CWH43: variants seen among roughly 807,000 people sequenced by gnomAD.
CWH43 encodes the protein PGAP2-interacting protein.
CWH43 carries 91 observed loss-of-function variants against 85.7 expected under a neutral mutation model. The observed-to-expected ratio is 1.06, with a 90% CI of 0.90 to 1.26. The LOEUF (loss-of-function observed/expected upper bound fraction) is 1.26, where lower values mean the gene tolerates loss of function less well. Among genes scored for constraint, CWH43 ranks in the 50% most tolerant of loss-of-function variants. CWH43 has a pLI of 0.00. For synonymous variants in CWH43, 323 were observed against 293.6 expected (o/e 1.10, Z -1.02); for missense variants, 869 against 839.2 (o/e 1.04, Z -0.44).
At position 49,007,266 on chromosome 4, in the gene CWH43, C is replaced by T. The variant is rs1783189406; in HGVS notation, c.1126C>T (p.Leu376Phe). Residue 376 changes from leucine to phenylalanine, a missense_variant, in exon 8 of 16, where the codon CTT becomes TTT. Leu to Phe is a conservative substitution (Grantham distance 22). Around this residue, in one of 3 missense-constraint regions of CWH43, gnomAD observed 577 missense variants for 513.1 expected, o/e 1.12. Coordinates refer to ENST00000226432, the MANE Select transcript of CWH43 (RefSeq NM_025087.3). The part of the protein sequence containing the change: ...FGPKKNLDLL[L>F]QTKNSSKVLF... ...TCCTAAGAAAAACCTTGACTTGCTTCTTCAAACAAAAAACAGTTCTAAAGT... is the reference window on the plus strand; with the variant it reads ...TCCTAAGAAAAACCTTGACTTGCTTTTTCAAACAAAAAACAGTTCTAAAGT... The T allele has an allele frequency of 6.2e-7, 1 of 1,611,368 alleles. No homozygotes were observed. The highest frequency in any genetic ancestry group is 2.2e-5 in the East Asian group (1 of 44,724).
chr4:49,021,369 T>C (rs922592272), intron 9 of CWH43, among the ~76,000 whole-genome samples: 10 of 152,156 alleles, frequency 6.6e-5, no homozygotes, highest in Admixed American at 5.9e-4. Flanking sequence ...CTGTAATCAT[T>C]TGGCTTATTT....
intron 13 of CWH43, among the ~76,000 whole-genome samples, chr4:49,043,666 A>T (rs1191499236): frequency 7.2e-5 from 11 of 152,172 alleles, no homozygotes; most frequent in Admixed American, 3.3e-4. Flanking sequence ...TATTTTTAAA[A>T]TTTTTTTGCA....
chr4:49,013,328 G>A (rs1356081587), intron 8 of CWH43, among the ~76,000 whole-genome samples: 2 of 152,242 alleles, frequency 1.3e-5, no homozygotes, highest in Non-Finnish European at 1.5e-5. Context: ...CTGTTCTGCC[G>A]GTTGCTAAGA....
chr4:49,007,211 G>A lies in CWH43; in HGVS notation c.1071G>A (p.Met357Ile). The A allele has an allele frequency of 6.2e-7, 1 of 1,607,970 alleles. No individual in the cohort carries two copies. Among genetic ancestry groups the A allele is most frequent in the South Asian group, 1.1e-5 (1 of 89,016 alleles). ...TTTCTCTTATAACAGGGACAATGAT[G>A]TTAATTATCGGGCTGAATATGCTAT... ...ERSDVLLGTM[M>I]LIIGLNMLFG... The change falls in exon 8 of 16, where the codon ATG becomes ATA. Residue 357 changes from methionine (M) to isoleucine (I), a missense_variant. By Grantham distance (10) the Met-to-Ile change is conservative. Around this residue, in one of 3 missense-constraint regions of CWH43, gnomAD observed 577 missense variants for 513.1 expected, o/e 1.12. Transcript: ENST00000226432.
intron 9 of CWH43, among the ~76,000 whole-genome samples, chr4:49,022,533 G>A (rs1413670151): frequency 1.3e-5 from 2 of 152,234 alleles, no homozygotes; most frequent in East Asian, 3.9e-4. Context: ...TCCTTTGCTA[G>A]TTTTGGTATT....
At chr4:48,994,392 T>G (rs1377686663) in intron 4 of CWH43, among the ~76,000 whole-genome samples, 1 of 152,214 alleles carries the variant, frequency 6.6e-6, no homozygotes, top group African/African-American at 2.4e-5. Flanking sequence ...CCAAAATGCC[T>G]TTTCTCCCTT....
At chr4:48,996,076 G>T (rs910992353) in intron 5 of CWH43, among the ~76,000 whole-genome samples, 1 of 151,272 alleles carries the variant, frequency 6.6e-6, no homozygotes, top group Non-Finnish European at 1.5e-5. Flanking sequence ...CACCTGAGTC[G>T]AACCCACTTG....
In CWH43 at chr4:49,045,498, T is replaced by C. The variant is rs558535952; in HGVS notation, c.1865+651T>C. Among the ~76,000 whole-genome samples, 4 of 152,318 alleles carry C rather than the reference T, an allele frequency of 2.6e-5. No individual in the cohort carries two copies. In the East Asian group the frequency reaches 7.7e-4, roughly 29 times the overall value. On this transcript the variant is annotated intron_variant, in intron 14 of 15. Coordinates refer to ENST00000226432, the MANE Select transcript of CWH43 (RefSeq NM_025087.3). ...TAAGATTATAATATCATACTTTTAT[T>C]GTACCTTTTCTATGTTTAGATACAC...
At chr4:49,028,600 C>G in intron 9 of CWH43, 29 bp from the exon 10 acceptor site, 1 of 1,544,202 alleles carries the variant, frequency 6.5e-7, no homozygotes, top group East Asian at 2.3e-5. Context: ...TCACAGTCAT[C>G]CTAAACTACC....
At chr4:49,053,422 G>A (rs28761329) in intron 15 of CWH43, among the ~76,000 whole-genome samples, 135 of 152,188 alleles carry the variant, frequency 8.9e-4, no homozygotes, top group African/African-American at 3.1e-3. Context: ...GTGAACAAGG[G>A]TTCCTTTTGC....
chr4:49,013,440 G>T (rs1399529122), intron 8 of CWH43, among the ~76,000 whole-genome samples: 1 of 152,202 alleles, frequency 6.6e-6, no homozygotes, highest in Admixed American at 6.5e-5. Flanking sequence ...CTGGCCCCTT[G>T]CACTTCCCGG....
chr4:49,007,175 C>A, intron 7 of CWH43, 26 bp from the exon 8 acceptor site: 1 of 1,595,790 alleles, frequency 6.3e-7, no homozygotes, highest in Non-Finnish European at 8.5e-7. Flanking sequence ...CAGACTATAA[C>A]ATATTCTTTC....
chr4:49,026,449 C>G (rs1783919545), intron 9 of CWH43, among the ~76,000 whole-genome samples: 1 of 152,028 alleles, frequency 6.6e-6, no homozygotes, highest in African/African-American at 2.4e-5. Context: ...GTGCTGCTCT[C>G]TCTGTTGAAG....
intron 12 of CWH43, among the ~76,000 whole-genome samples, chr4:49,037,535 A>T: frequency 6.7e-6 from 1 of 150,290 alleles, no homozygotes; most frequent in Non-Finnish European, 1.5e-5. Context: ...GTGCCATTGC[A>T]CTCCAGTCCG....
intron 9 of CWH43, among the ~76,000 whole-genome samples, chr4:49,023,534 C>T (rs1046472729): frequency 6.6e-6 from 1 of 152,160 alleles, no homozygotes; most frequent in African/African-American, 2.4e-5. Context: ...ACCACCACAT[C>T]CAGCTAAATT....
At chr4:49,034,448 AAGAG>A (rs1219859996) in intron 12 of CWH43, among the ~76,000 whole-genome samples, 2 of 152,170 alleles carry the variant, frequency 1.3e-5, no homozygotes, top group Non-Finnish European at 2.9e-5. Context: ...AGAAAGCTAA[AAGAG>A]AGCCCTAGGA....
At position 48,992,091 on chromosome 4, in the gene CWH43, G is replaced by T. The variant is rs1782677696; in HGVS notation, c.511+1G>T. The T allele has an allele frequency of 6.2e-7, 1 of 1,607,818 alleles. No individual in the cohort carries two copies. The highest frequency in any genetic ancestry group is 8.5e-7 in the Non-Finnish European group (1 of 1,175,584). On this transcript the variant is annotated splice_donor_variant, in intron 4 of 15. Transcript: ENST00000226432. LOFTEE classifies it high-confidence loss of function. The surrounding 1 kb of genome is among the most constrained non-coding windows in gnomAD (Gnocchi z 4.3). ...GCCACACTTGATCGTATTGGCACAG[G>T]TAATACTGTAACTTAGGAATTTTCT...
chr4:49,053,890 C>A (rs1784873721), intron 15 of CWH43, among the ~76,000 whole-genome samples: 1 of 152,094 alleles, frequency 6.6e-6, no homozygotes, highest in Admixed American at 6.6e-5. Context: ...TGAAATACTT[C>A]TGGTCCCAGT....
chr4:48,990,768 T>C (rs185042854), intron 2 of CWH43, among the ~76,000 whole-genome samples: 11 of 152,342 alleles, frequency 7.2e-5, no homozygotes, highest in Non-Finnish European at 1.5e-4. Flanking sequence ...CTAACAACTC[T>C]ATTCCTTGGT....
Sources: gnomAD v4.1 joint callset for allele counts (sites outside exome capture counted in the v4.1 genomes callset) on GRCh38, gnomAD v4.1.1 for gene constraint, gnomAD v4.1.1 regional missense constraint, Gnocchi (gnomAD v3.1) non-coding constraint, MANE v1.5 for transcripts, NCBI Gene and HGNC (gene_info 2026-07-23, HGNC 2026-07-21) for gene names.